Variants in IGFALS observed in about 807,000 individuals in gnomAD.
IGFALS encodes insulin-like growth factor-binding protein complex acid labile subunit.
Under a neutral mutation model 2.6 loss-of-function variants are expected in IGFALS, and 2 were observed. The ratio of observed to expected loss-of-function variants is 0.77; its 90% CI spans 0.32 to 2.44. IGFALS has a LOEUF of 2.44. Among genes scored for constraint, IGFALS ranks in the 30% most tolerant of loss-of-function variants. The probability of loss-of-function intolerance (pLI) is 0.11; values close to 1 mark genes in which losing one functional copy is unlikely to be tolerated. For missense variants in IGFALS, 996 were observed against 848.7 expected (o/e 1.17, Z -2.16); for synonymous variants, 519 against 431.9 (o/e 1.20, Z -2.50).
At position 1,791,308 on chromosome 16, in the gene IGFALS, A is replaced by G; in HGVS notation, c.1110T>C (p.Ser370=). 1.2e-6 allele frequency: 2 copies of G among 1,608,834 alleles called. No individual in the cohort carries two copies. The highest frequency in any genetic ancestry group is 1.1e-5 in the South Asian group (1 of 91,074). ...CCGGAAGGTTCCGGAGACAGTTCCC[A>G]GAGAGGTTCATGACCGCCACGTTGG... ...GLTNVAVMNL[S]GNCLRNLPEQ... Residue 370 remains serine, a synonymous_variant, in exon 2 of 2, where the codon TCT becomes TCC. Transcript: ENST00000215539.
Position 1,790,798 on chromosome 16 carries a change from A to G in IGFALS, c.1620T>C (p.Cys540=). The G allele has an allele frequency of 6.4e-7, 1 of 1,572,966 alleles. No individual in the cohort carries two copies. Among genetic ancestry groups the G allele is most frequent in the Non-Finnish European group, 8.6e-7 (1 of 1,160,734 alleles). Residue 540 remains cysteine (C), a synonymous_variant, in exon 2 of 2, where the codon TGT becomes TGC. Coordinates refer to ENST00000215539, the MANE Select transcript of IGFALS (RefSeq NM_004970.3). ...CCCGCAGCGCCTTGAGAGGGCAGCCACAGTCCCAGGGGTTACCCTCCAGCC... is the reference window on the plus strand; with the variant it reads ...CCCGCAGCGCCTTGAGAGGGCAGCCGCAGTCCCAGGGGTTACCCTCCAGCC... ...RLWLEGNPWD[C]GCPLKALRDF... is the part of the protein sequence containing the mutation.
chr16:1,794,792 GACC>G (rs1242389636), upstream of IGFALS: 1 of 699,000 alleles, frequency 1.4e-6, no homozygotes, highest in Admixed American at 2.0e-5. Context: ...GGCTCGGGGA[GACC>G]ACAGTTTTCC....
chr16:1,793,513 C>T (rs1014661613), intron 1 of IGFALS, 124 bp downstream of exon 1: 19 of 864,892 alleles, frequency 2.2e-5, no homozygotes, highest in South Asian at 9.2e-5. Flanking sequence ...CAGAGTCCCC[C>T]GCAGACCCCC....
At chr16:1,793,599 AC>A in intron 1 of IGFALS, 37 bp downstream of exon 1, 1 of 1,581,288 alleles carries the variant, frequency 6.3e-7, no homozygotes, top group East Asian at 2.3e-5. Context: ...CAGACTGGCC[AC>A]CCCTAGAGTG....
chr16:1,790,560 G>A lies in IGFALS; in HGVS notation c.*40C>T, dbSNP rs1178121291. 2.6e-6 allele frequency: 4 copies of A among 1,515,728 alleles called. No homozygotes were observed. Among genetic ancestry groups the A allele is most frequent in the South Asian group, 2.4e-5 (2 of 83,484 alleles). 93.9% of individuals were successfully genotyped at this position (1,515,728 alleles called of 1,614,324 possible). A position where few individuals can be genotyped will look rare whatever the true frequency, so the allele number is the denominator to read the frequency against. ...CCTGTCCCCAGCACAAGGTGAGCCA[G>A]GTGGGGGCCTGAGTCCGGGGCTTGA... On this transcript the variant is annotated 3_prime_UTR_variant, in exon 2 of 2. Transcript: ENST00000215539.
Position 1,792,194 on chromosome 16 carries a change from C to T in IGFALS, c.224G>A (p.Gly75Asp), listed in dbSNP as rs761832755. The T allele has an allele frequency of 2.5e-6, 4 of 1,610,196 alleles. No individual in the cohort carries two copies. The highest frequency in any genetic ancestry group is 1.7e-5 in the Admixed American group (1 of 59,916). The part of the protein sequence containing the change: ...LTRLPDGVPG[G>D]TQALWLDGNN... ...GCCGTCCAGCCACAGGGCTTGGGTG[C>T]CGCCCGGGACTCCATCAGGCAGGCG... Residue 75 changes from glycine to aspartate, a missense_variant, in exon 2 of 2, where the codon GGC (glycine) becomes GAC (aspartate). Coordinates refer to ENST00000215539, the MANE Select transcript of IGFALS (RefSeq NM_004970.3).
upstream of IGFALS, chr16:1,793,741 G>A (rs528341785): frequency 1.3e-4 from 183 of 1,367,226 alleles, 4 homozygotes; most frequent in South Asian, 1.9e-3. Flanking sequence ...TCCCCACTGC[G>A]GGGCAGCCCG....
chr16:1,791,403 GC>G lies in IGFALS; in HGVS notation c.1014del (p.Gln339SerfsTer7). 6.2e-7 allele frequency: 1 copy of G among 1,611,182 alleles called. No homozygotes were observed. ...TGGTCTAGCGTGAGCACCTCAAGCT[GC>G]CCCAGGCCCTCAAAGCTGCGCTCAG... Reference protein sequence around the residue: ...QLAERSFEGLGQLEVLTLDHN... With the variant: ...QLAERSFEGLXQLEVLTLDHN... On this transcript the variant is annotated frameshift_variant, in exon 2 of 2. Transcript: ENST00000215539. LOFTEE classifies it low-confidence loss of function (END_TRUNC).
Position 1,792,157 on chromosome 16 carries a change from CG to C in IGFALS, c.260del (p.Ser87CysfsTer35). 6.2e-7 allele frequency: 1 copy of C among 1,611,392 alleles called. No homozygotes were observed. Among genetic ancestry groups the C allele is most frequent in the African/African-American group, 1.3e-5 (1 of 75,004 alleles). On this transcript the variant is annotated frameshift_variant, in exon 2 of 2. Coordinates refer to ENST00000215539, the MANE Select transcript of IGFALS (RefSeq NM_004970.3). LOFTEE classifies it low-confidence loss of function (END_TRUNC). ...QALWLDGNNL[S>X]SVPPAAFQNL... The stretch of plus-strand genomic sequence containing the variant: ...TCTGGAAGGCTGCCGGGGGGACGGA[CG>C]AGAGGTTGTTGCCGTCCAGCCACAG...
upstream of IGFALS, chr16:1,793,846 G>A: frequency 1.9e-6 from 1 of 528,778 alleles, no homozygotes; most frequent in Non-Finnish European, 3.4e-6. Flanking sequence ...CTGGGGTGCA[G>A]ACAGTGCAGG....
chr16:1,792,851 C>T (rs1194310184), intron 1 of IGFALS, among the ~76,000 whole-genome samples: 2 of 152,242 alleles, frequency 1.3e-5, no homozygotes, highest in African/African-American at 2.4e-5. Flanking sequence ...GCTCACTGCC[C>T]TCAGAGGCTG....
intron 1 of IGFALS, among the ~76,000 whole-genome samples, chr16:1,792,996 C>T (rs1477010021): frequency 3.3e-5 from 5 of 152,174 alleles, no homozygotes; most frequent in African/African-American, 9.6e-5. Flanking sequence ...AACCCTGGAC[C>T]GTCGGCCACC....
In IGFALS at chr16:1,791,703, CG is replaced by C; in HGVS notation, c.714del (p.Phe238LeufsTer28). 1 of 1,572,152 alleles carries C rather than the reference CG, an allele frequency of 6.4e-7. No individual in the cohort carries two copies. The highest frequency in any genetic ancestry group is 8.6e-7 in the Non-Finnish European group (1 of 1,163,496). On this transcript the variant is annotated frameshift_variant, in exon 2 of 2. Coordinates refer to ENST00000215539, the MANE Select transcript of IGFALS (RefSeq NM_004970.3). LOFTEE classifies it low-confidence loss of function (END_TRUNC). ...NALRAIKANV[F>X]VQLPRLQKLY... is the part of the protein sequence containing the mutation. Reference sequence around the variant, plus strand: ...AGTTTCTGGAGCCGGGGCAGCTGCACGAACACGTTTGCCTTGATGGCCCGCA... The same window carrying C: ...AGTTTCTGGAGCCGGGGCAGCTGCACAACACGTTTGCCTTGATGGCCCGCA...
In IGFALS at chr16:1,790,569, CTGAGTCCGGGGCT is replaced by C. The variant is rs754536258; in HGVS notation, c.*18_*30del. ...AGCACAAGGTGAGCCAGGTGGGGGC[CTGAGTCCGGGGCT>C]TGAGTCCGGGGACCTGGTCAGCAGG... On this transcript the variant is annotated 3_prime_UTR_variant, in exon 2 of 2. Coordinates refer to ENST00000215539, the MANE Select transcript of IGFALS (RefSeq NM_004970.3). 31 of 1,538,426 alleles carry C rather than the reference CTGAGTCCGGGGCT, an allele frequency of 2.0e-5. No individual in the cohort carries two copies. The highest frequency in any genetic ancestry group is 9.5e-5 in the South Asian group (8 of 84,056).
Position 1,790,420 on chromosome 16 carries a change from C to A in IGFALS, c.*180G>T, listed in dbSNP as rs112325769. 3.0e-6 allele frequency: 2 copies of A among 664,554 alleles called. No homozygotes were observed. Among genetic ancestry groups the A allele is most frequent in the East Asian group, 2.7e-5 (1 of 36,514 alleles). 41.2% of individuals were successfully genotyped at this position (664,554 alleles called of 1,614,324 possible). On this transcript the variant is annotated 3_prime_UTR_variant, in exon 2 of 2. Transcript: ENST00000215539. ...AGTCACCCACTGTGCCTGTTAGATTCGATTGCCTTTGCCTTTAATTGATGA... is the reference window on the plus strand; with the variant it reads ...AGTCACCCACTGTGCCTGTTAGATTAGATTGCCTTTGCCTTTAATTGATGA...
In IGFALS at chr16:1,790,906, T is replaced by C; in HGVS notation, c.1512A>G (p.Pro504=). The change falls in exon 2 of 2, where the codon CCA becomes CCG. Residue 504 remains proline (P), a synonymous_variant. Coordinates refer to ENST00000215539, the MANE Select transcript of IGFALS (RefSeq NM_004970.3). The stretch of plus-strand genomic sequence containing the variant: ...GGCTGAGGTAGCGCAGCCGCCCCAG[T>C]GGTGCCAAGAGGCTGTTGGGCAATG... ...LEALPNSLLA[P]LGRLRYLSLR... 6.3e-7 allele frequency: 1 copy of C among 1,584,042 alleles called. No individual in the cohort carries two copies. The highest frequency in any genetic ancestry group is 8.5e-7 in the Non-Finnish European group (1 of 1,170,788).
At position 1,791,718 on chromosome 16, in the gene IGFALS, T is replaced by C; in HGVS notation, c.700A>G (p.Lys234Glu). 2 of 1,563,486 alleles carry C rather than the reference T, an allele frequency of 1.3e-6. No individual in the cohort carries two copies. Among genetic ancestry groups the C allele is most frequent in the Non-Finnish European group, 1.7e-6 (2 of 1,159,118 alleles). The change falls in exon 2 of 2, where the codon AAG (lysine) becomes GAG (glutamate). Residue 234 changes from lysine to glutamate, a missense_variant. By Grantham distance (56) the Lys-to-Glu change is moderately conservative. Coordinates refer to ENST00000215539, the MANE Select transcript of IGFALS (RefSeq NM_004970.3). ...GGCAGCTGCACGAACACGTTTGCCT[T>C]GATGGCCCGCAGCGCGTTCCTGCTC... ...DLSRNALRAI[K>E]ANVFVQLPRL...
chr16:1,794,170 C>T (rs1385256130), upstream of IGFALS, among the ~76,000 whole-genome samples: 2 of 152,128 alleles, frequency 1.3e-5, no homozygotes, highest in Non-Finnish European at 2.9e-5. Context: ...CCCAGCCATC[C>T]ACCCGCCCTC....
Position 1,791,768 on chromosome 16 carries a change from A to C in IGFALS, c.650T>G (p.Leu217Arg). The C allele has an allele frequency of 6.5e-7, 1 of 1,549,086 alleles. No individual in the cohort carries two copies. The highest frequency in any genetic ancestry group is 8.7e-7 in the Non-Finnish European group (1 of 1,150,940). Residue 217 changes from leucine to arginine, a missense_variant, in exon 2 of 2, where the codon CTG becomes CGG. Transcript: ENST00000215539. ...AYLQPALFSG[L>R]AELRELDLSR... Reference sequence around the variant, plus strand: ...CAGGTCCAGCTCCCGGAGCTCGGCCAGGCCGCTGAAGAGCGCGGGCTGCAG... The same window carrying C: ...CAGGTCCAGCTCCCGGAGCTCGGCCCGGCCGCTGAAGAGCGCGGGCTGCAG...
Sources: allele counts gnomAD v4.1 joint callset (sites outside exome capture counted in the v4.1 genomes callset), GRCh38; gene constraint gnomAD v4.1.1; transcripts MANE v1.5; gene names NCBI Gene and HGNC (gene_info 2026-07-23, HGNC 2026-07-21).